The following COL12A1 variants were observed in gnomAD, a reference collection of about 807,000 sequenced individuals.
COL12A1 encodes collagen type XII alpha 1 chain.
COL12A1 carries 114 observed loss-of-function variants against 349.7 expected under a neutral mutation model. The ratio of observed to expected loss-of-function variants is 0.33; its 90% CI spans 0.28 to 0.38. COL12A1 has a LOEUF of 0.38. Among genes scored for constraint, COL12A1 ranks in the 10% least tolerant of loss-of-function variants. The pLI, the probability that COL12A1 is intolerant of heterozygous loss-of-function variation, is 1.00. For synonymous variants in COL12A1, 1,369 were observed against 1,329.0 expected (o/e 1.03, Z -0.66); for missense variants, 3,284 against 3,756.9 (o/e 0.87, Z 3.29).
In COL12A1 at chr6:75,134,772, C is replaced by G. The variant is rs201965731; in HGVS notation, c.5478G>C (p.Leu1826=). The part of the protein sequence containing the change: ...DTPYTITVSS[L]YPDGEGGRMT... The stretch of plus-strand genomic sequence containing the variant: ...TCCGACCTCCTTCACCATCAGGATA[C>G]AGAGAGGATACGGTGATAGTGTAAG... The change falls in exon 32 of 66, where the codon CTG becomes CTC. Residue 1826 remains leucine, a synonymous_variant. Transcript: ENST00000322507. 17 of 1,612,610 alleles carry G rather than the reference C, an allele frequency of 1.1e-5. No homozygotes were observed. In the African/African-American group the frequency reaches 2.3e-4, roughly 21 times the overall value.
At chr6:75,176,261 G>C (rs1283229890) in intron 12 of COL12A1, among the ~76,000 whole-genome samples, 1 of 151,674 alleles carries the variant, frequency 6.6e-6, no homozygotes, top group Non-Finnish European at 1.5e-5. Context: ...GGCAGTGGGA[G>C]CGTGATGCAG....
chr6:75,194,833 G>A lies in COL12A1; in HGVS notation c.188C>T (p.Thr63Met), dbSNP rs374544349. Residue 63 changes from threonine (T) to methionine (M), a missense_variant and splice_region_variant, in exon 3 of 66, where the codon ACG becomes ATG. This residue lies in a region of COL12A1 where 2,601 missense variants were observed against 2,824.8 expected (regional missense o/e 0.92). Transcript: ENST00000322507. The stretch of plus-strand genomic sequence containing the variant: ...AAAACCCCAGTCTCAAAACTTACCC[G>A]TTGTAGGGTCCACCGTTATTCTGTA... Reference protein sequence around the residue: ...VGYRITVDPTTDGPTKEFTLS... With the variant: ...VGYRITVDPTMDGPTKEFTLS... 80 of 1,600,478 alleles carry A rather than the reference G, an allele frequency of 5.0e-5. No individual in the cohort carries two copies. The highest frequency in any genetic ancestry group is 1.7e-4 in the Middle Eastern group (1 of 6,030).
At chr6:75,151,765 A>G in intron 20 of COL12A1, 102 bp downstream of exon 20, 1 of 1,218,874 alleles carries the variant, frequency 8.2e-7, no homozygotes, top group South Asian at 1.6e-5. Flanking sequence ...ATAGAAAAAA[A>G]TGGGTATTTT....
In COL12A1 at chr6:75,175,049, G is replaced by C; in HGVS notation, c.2699C>G (p.Thr900Arg). Reference sequence around the variant, plus strand: ...ATGATGGTAATTACCTTCAAGTGTTGTTCCTTCACCAAAGAGGGCGTCTCC... The same window carrying C: ...ATGATGGTAATTACCTTCAAGTGTTCTTCCTTCACCAAAGAGGGCGTCTCC... ...GAGDALFGEG[T>R]TLEERGSPQD... Residue 900 changes from threonine (T) to arginine (R), a missense_variant, in exon 13 of 66, where the codon ACA (threonine) becomes AGA (arginine). Thr to Arg is a moderately conservative substitution (Grantham distance 71). Transcript: ENST00000322507. 1.2e-6 allele frequency: 2 copies of C among 1,614,002 alleles called. No homozygotes were observed. The highest frequency in any genetic ancestry group is 1.7e-6 in the Non-Finnish European group (2 of 1,179,970).
intron 13 of COL12A1, among the ~76,000 whole-genome samples, chr6:75,169,605 T>G (rs896381271): frequency 6.6e-5 from 10 of 151,428 alleles, no homozygotes; most frequent in Non-Finnish European, 1.0e-4. Flanking sequence ...TTGTTTAGGG[T>G]TTTTTTTGAA....
intron 51 of COL12A1, among the ~76,000 whole-genome samples, chr6:75,110,390 C>CATTTTGCTTTTAGGT (rs1014779527): frequency 3.3e-5 from 5 of 152,010 alleles, no homozygotes; most frequent in African/African-American, 1.2e-4. Flanking sequence ...TCTAAAAGCA[C>CATTTTGCTTTTAGGT]ATTTTGCTAT....
At chr6:75,115,998 C>T (rs373963917) in intron 48 of COL12A1, 21 bp downstream of exon 48, 100 of 1,612,970 alleles carry the variant, frequency 6.2e-5, no homozygotes, top group Non-Finnish European at 7.0e-5. Context: ...AATTAATTTG[C>T]CCCAAAGTAT....
chr6:75,145,722 C>A lies in COL12A1; in HGVS notation c.4561-267G>T, dbSNP rs565729358. Among the ~76,000 whole-genome samples the A allele has an allele frequency of 2.3e-4, 35 of 151,766 alleles. No individual in the cohort carries two copies. The South Asian group carries it at 7.3e-3, about 32-fold the overall frequency. On this transcript the variant is annotated intron_variant, in intron 24 of 65. Coordinates refer to ENST00000322507, the MANE Select transcript of COL12A1 (RefSeq NM_004370.6). The stretch of plus-strand genomic sequence containing the variant: ...TCTCAACTCACCGCAACTTCCACCT[C>A]CCGGGTTCAAGCAATTCTCCTGTCT...
chr6:75,155,242 C>T (rs1166150740), intron 16 of COL12A1, among the ~76,000 whole-genome samples: 1 of 152,090 alleles, frequency 6.6e-6, no homozygotes, highest in Non-Finnish European at 1.5e-5. Flanking sequence ...GTATGGCACA[C>T]TGGAGGGGGA....
chr6:75,177,579 G>GT (rs1769028378), intron 12 of COL12A1, 84 bp downstream of exon 12: 9 of 1,529,216 alleles, frequency 5.9e-6, no homozygotes, highest in East Asian at 2.3e-5. Flanking sequence ...TGTCTCATTA[G>GT]TTTTTTATCT....
At chr6:75,138,268 A>ACATT in intron 30 of COL12A1, 52 bp downstream of exon 30, 1 of 1,511,846 alleles carries the variant, frequency 6.6e-7, no homozygotes, top group Non-Finnish European at 9.1e-7. Flanking sequence ...TTTCATTTAT[A>ACATT]CATTCATTCA....
At position 75,154,518 on chromosome 6, in the gene COL12A1, C is replaced by T; in HGVS notation, c.3463G>A (p.Val1155Ile). The change falls in exon 17 of 66, where the codon GTA (valine) becomes ATA (isoleucine). Residue 1155 changes from valine to isoleucine, a missense_variant. Val to Ile is a conservative substitution (Grantham distance 29, BLOSUM62 3). Transcript: ENST00000322507. ...EELRAGTTYK[V>I]NVFGMFDGGE... ...CCATCAAACATTCCAAAAACATTTA[C>T]TTTATAGGTGGTACCAGCCCTAAAA... 6.2e-7 allele frequency: 1 copy of T among 1,609,674 alleles called. No individual in the cohort carries two copies. Among genetic ancestry groups the T allele is most frequent in the Non-Finnish European group, 8.5e-7 (1 of 1,177,222 alleles).
rs925478658 is a variant in COL12A1, at chr6:75,177,038, A to C, written c.2437+625T>G. Among the ~76,000 whole-genome samples, 5 of 152,346 alleles carry C rather than the reference A, an allele frequency of 3.3e-5. No homozygotes were observed. The South Asian group carries it at 1.0e-3, about 32-fold the overall frequency. ...AAAATACAATTTATTTCAATGGTGCATAGCAGTTTGATTTTTAATTCTTAG... is the reference window on the plus strand; with the variant it reads ...AAAATACAATTTATTTCAATGGTGCCTAGCAGTTTGATTTTTAATTCTTAG... On this transcript the variant is annotated intron_variant, in intron 12 of 65. Transcript: ENST00000322507.
intron 60 of COL12A1, among the ~76,000 whole-genome samples, chr6:75,093,068 T>C (rs1196781358): frequency 6.6e-6 from 1 of 152,234 alleles, no homozygotes; most frequent in Non-Finnish European, 1.5e-5. Context: ...GGTTCCTAGA[T>C]GACTGTATCC....
At chr6:75,174,904 G>GT (rs1392904113) in intron 13 of COL12A1, 134 bp downstream of exon 13, 2 of 1,047,616 alleles carry the variant, frequency 1.9e-6, no homozygotes, top group East Asian at 2.5e-5. Flanking sequence ...ATGGTTATTT[G>GT]TTTTTCAATA....
intron 17 of COL12A1, 112 bp downstream of exon 17, chr6:75,154,304 A>G: frequency 8.0e-7 from 1 of 1,247,754 alleles, no homozygotes; most frequent in South Asian, 2.1e-5. Flanking sequence ...ATTGAAATAA[A>G]TTTTAGTGTA....
chr6:75,106,874 CT>C (rs1238723392), intron 52 of COL12A1, among the ~76,000 whole-genome samples: 6 of 69,142 alleles, frequency 8.7e-5, no homozygotes, highest in African/African-American at 2.7e-4. Context: ...TAGGTATTTT[CT>C]TTTTTTTTTT....
At chr6:75,147,447 T>C (rs1007526314) in intron 23 of COL12A1, among the ~76,000 whole-genome samples, 1 of 152,216 alleles carries the variant, frequency 6.6e-6, no homozygotes, top group Non-Finnish European at 1.5e-5. Flanking sequence ...TAGATTATTA[T>C]GGCAGTGACC....
At chr6:75,180,810 A>T in intron 11 of COL12A1, 129 bp downstream of exon 11, 3 of 1,138,656 alleles carry the variant, frequency 2.6e-6, no homozygotes, top group Non-Finnish European at 3.6e-6. Context: ...GCTGTCTTTT[A>T]AAGATGCCAA....
Sources: gnomAD v4.1 joint callset for allele counts (sites outside exome capture counted in the v4.1 genomes callset) on GRCh38, gnomAD v4.1.1 for gene constraint, gnomAD v4.1.1 regional missense constraint, MANE v1.5 for transcripts, NCBI Gene and HGNC (gene_info 2026-07-23, HGNC 2026-07-21) for gene names.